Variants in STARD13 observed in about 807,000 individuals in gnomAD.
STARD13 encodes the protein StAR related lipid transfer domain containing 13.
In STARD13, 62 loss-of-function variants were observed where a neutral mutation model predicts 106.4. That is an observed-to-expected ratio of 0.58 (90% CI 0.48 to 0.72). The LOEUF (loss-of-function observed/expected upper bound fraction) is 0.72. STARD13 is among the 30% of genes least tolerant of loss of function. The pLI is 0.00. For missense variants in STARD13, 1,387 were observed against 1,424.0 expected (o/e 0.97, Z 0.42); for synonymous variants, 565 against 553.0 (o/e 1.02, Z -0.31).
At chr13:33,460,272 G>A in the STARD13 span, among the ~76,000 whole-genome samples, 2 of 151,932 alleles carry the variant, frequency 1.3e-5, no homozygotes, top group African/African-American at 4.8e-5. Context: ...CAGATCACGA[G>A]GTCAGGAGAT....
the STARD13 span, among the ~76,000 whole-genome samples, chr13:33,540,813 G>A: frequency 1.3e-5 from 2 of 152,194 alleles, no homozygotes; most frequent in East Asian, 1.9e-4. Context: ...GATTACAGAA[G>A]GAAAGGGCAA....
chr13:33,357,604 TTA>T, the STARD13 span, among the ~76,000 whole-genome samples: 1 of 152,094 alleles, frequency 6.6e-6, no homozygotes, highest in Non-Finnish European at 1.5e-5. Flanking sequence ...TTCAGAAAAG[TTA>T]TATGATTTGA....
chr13:33,137,513 G>A (rs1049276100), intron 4 of STARD13, among the ~76,000 whole-genome samples: 1 of 152,178 alleles, frequency 6.6e-6, no homozygotes, highest in African/African-American at 2.4e-5. Context: ...GCTTCACCAG[G>A]GAAAAAAGCT....
Position 33,129,286 on chromosome 13 carries a change from C to A in STARD13, c.1391G>T (p.Gly464Val). ...SRVSIYDNVP[G>V]SHLYASTGDL... The stretch of plus-strand genomic sequence containing the variant: ...TCCTGTGCTGGCATACAGATGGGAG[C>A]CAGGGACATTGTCATAGATACTGAC... The change falls in exon 5 of 14, where the codon GGC (glycine) becomes GTC (valine). Residue 464 changes from glycine (G) to valine (V), a missense_variant. Coordinates refer to ENST00000336934, the MANE Select transcript of STARD13 (RefSeq NM_178006.4). 1.9e-6 allele frequency: 3 copies of A among 1,614,122 alleles called. No individual in the cohort carries two copies. The highest frequency in any genetic ancestry group is 2.5e-6 in the Non-Finnish European group (3 of 1,180,018).
chr13:33,136,036 G>A (rs1399953771), intron 4 of STARD13, among the ~76,000 whole-genome samples: 28 of 151,956 alleles, frequency 1.8e-4, no homozygotes, highest in African/African-American at 6.0e-4. Flanking sequence ...GCAGGAGATC[G>A]CTTGAACCCC....
intron 1 of STARD13, among the ~76,000 whole-genome samples, chr13:33,255,492 C>G (rs1336363395): frequency 1.3e-5 from 2 of 152,042 alleles, no homozygotes; most frequent in Non-Finnish European, 2.9e-5. Context: ...TCCACCCTCT[C>G]CCAGCCTAGT....
the STARD13 span, among the ~76,000 whole-genome samples, chr13:33,587,705 G>A: frequency 6.6e-6 from 1 of 152,158 alleles, no homozygotes; most frequent in African/African-American, 2.4e-5. Flanking sequence ...CATTTTTCCA[G>A]CCAATGCGTC....
At chr13:33,108,337 A>C (rs1432797405) in intron 12 of STARD13, among the ~76,000 whole-genome samples, 1 of 152,192 alleles carries the variant, frequency 6.6e-6, no homozygotes, top group Non-Finnish European at 1.5e-5. Flanking sequence ...GTTGGGAACC[A>C]GATCTGGTTC....
the STARD13 span, among the ~76,000 whole-genome samples, chr13:33,498,077 A>G: frequency 6.6e-6 from 1 of 152,230 alleles, no homozygotes; most frequent in Admixed American, 6.5e-5. Flanking sequence ...ACTGATTTCA[A>G]AGAGACGAAC....
the STARD13 span, among the ~76,000 whole-genome samples, chr13:33,519,458 G>C: frequency 2.6e-5 from 4 of 151,412 alleles, no homozygotes; most frequent in Non-Finnish European, 5.9e-5. Context: ...CCAAAGTGCT[G>C]AGATTACAGG....
At chr13:33,239,708 A>C (rs1237369634) in intron 1 of STARD13, among the ~76,000 whole-genome samples, 1 of 152,082 alleles carries the variant, frequency 6.6e-6, no homozygotes, top group East Asian at 1.9e-4. Flanking sequence ...ATATCTATTC[A>C]AGTCTTTTGC....
chr13:33,127,673 T>G, intron 5 of STARD13, 127 bp from the exon 6 acceptor site: 1 of 888,714 alleles, frequency 1.1e-6, no homozygotes, highest in South Asian at 1.9e-5. Context: ...GCAAAGCAAA[T>G]GGAACAGAAG....
chr13:33,205,814 C>CT (rs1429909656), intron 1 of STARD13: 2 of 981,124 alleles, frequency 2.0e-6, no homozygotes, highest in Non-Finnish European at 2.4e-6. Flanking sequence ...GGAACACAAA[C>CT]TTACTTTGTT....
chr13:33,315,460 T>C (rs1893293899), intron 1 of STARD13, among the ~76,000 whole-genome samples: 1 of 152,188 alleles, frequency 6.6e-6, no homozygotes, highest in African/African-American at 2.4e-5. Context: ...AGAAACTTTC[T>C]TTAGGGACAT....
At chr13:33,529,887 T>C in the STARD13 span, among the ~76,000 whole-genome samples, 1 of 152,168 alleles carries the variant, frequency 6.6e-6, no homozygotes, top group African/African-American at 2.4e-5. Flanking sequence ...GCAAATGATC[T>C]GTAGAAGGTA....
At position 33,285,553 on chromosome 13, in the gene STARD13, C is replaced by A. The variant is rs747497063; in HGVS notation, c.86G>T (p.Arg29Leu). The A allele has an allele frequency of 2.5e-6, 4 of 1,613,984 alleles. No individual in the cohort carries two copies. Among genetic ancestry groups the A allele is most frequent in the East Asian group, 4.5e-5 (2 of 44,856 alleles). ...AGAGCGTCTTGTAGTCTGATCAAAT[C>A]GCAAGTACATCTCCTGGCCCTCAGG... ...MTPEGQEMYL[R>L]FDQTTRRSPY... The change falls in exon 1 of 14, where the codon CGA becomes CTA. Residue 29 changes from arginine to leucine, a missense_variant. Transcript: ENST00000336934.
upstream of STARD13, among the ~76,000 whole-genome samples, chr13:33,289,156 A>G (rs531965460): frequency 3.3e-5 from 5 of 152,334 alleles, no homozygotes; most frequent in African/African-American, 1.2e-4. Flanking sequence ...GACTGACACC[A>G]TATCTCTTCC....
chr13:33,508,355 T>C, the STARD13 span, among the ~76,000 whole-genome samples: 3 of 152,184 alleles, frequency 2.0e-5, no homozygotes, highest in African/African-American at 7.2e-5. Flanking sequence ...GTGGCTGTCT[T>C]TGCTAACAAG....
chr13:33,162,290 A>G (rs751653560), intron 3 of STARD13, among the ~76,000 whole-genome samples: 7 of 152,226 alleles, frequency 4.6e-5, no homozygotes, highest in Admixed American at 2.0e-4. Flanking sequence ...CTGGCCCATG[A>G]AACCAGTTTT....
Sources: gnomAD v4.1 joint callset for allele counts (sites outside exome capture counted in the v4.1 genomes callset) on GRCh38, gnomAD v4.1.1 for gene constraint, MANE v1.5 for transcripts, NCBI Gene and HGNC (gene_info 2026-07-23, HGNC 2026-07-21) for gene names.